CNIH3: variants seen among roughly 807,000 people sequenced by gnomAD.
CNIH3 encodes cornichon family AMPA receptor auxiliary protein 3.
CNIH3 carries 14 observed loss-of-function variants against 24.1 expected under a neutral mutation model. The observed-to-expected ratio is 0.58, with a 90% confidence interval of 0.38 to 0.91. The LOEUF is 0.91. CNIH3 is among the 40% of genes least tolerant of loss of function. The pLI, the probability that CNIH3 is intolerant of heterozygous loss-of-function variation, is 0.00. For synonymous variants in CNIH3, 68 were observed against 73.8 expected (o/e 0.92, Z 0.40); for missense variants, 178 against 196.8 (o/e 0.90, Z 0.57).
rs922171574 is a variant in CNIH3, at chr1:224,708,178, A to G, written c.199-22284A>G. 2.6e-5 allele frequency among the ~76,000 whole-genome samples: 4 copies of G among 151,028 alleles called. No homozygotes were observed. In the East Asian group the frequency reaches 5.8e-4, roughly 22 times the overall value. ...GGAGGTTGTTGATGCTGAGTTCCCT[A>G]TTTCCCCCTCCACTTCCTGTCCTCA... On this transcript the variant is annotated intron_variant, in intron 3 of 5. Coordinates refer to ENST00000272133, the MANE Select transcript of CNIH3 (RefSeq NM_152495.2).
intron 1 of CNIH3, among the ~76,000 whole-genome samples, chr1:224,483,134 A>T (rs535639466): frequency 6.6e-6 from 1 of 152,296 alleles, no homozygotes; most frequent in Non-Finnish European, 1.5e-5. Context: ...GGCAATTCAA[A>T]ACTGTCTTTC....
At chr1:224,460,224 A>G (rs1272213571) in intron 1 of CNIH3, among the ~76,000 whole-genome samples, 1 of 152,132 alleles carries the variant, frequency 6.6e-6, no homozygotes, top group East Asian at 1.9e-4. Context: ...ATCTTTTTAA[A>G]ACAGCCACAA....
intron 2 of CNIH3, among the ~76,000 whole-genome samples, chr1:224,545,831 G>A (rs1679683008): frequency 6.6e-6 from 1 of 152,178 alleles, no homozygotes; most frequent in African/African-American, 2.4e-5. Flanking sequence ...TGCTAGGGCT[G>A]CTGTAACACA....
intron 1 of CNIH3, among the ~76,000 whole-genome samples, chr1:224,674,272 G>GTTTTTTTTTTTTT (rs71170028): frequency 2.5e-4 from 18 of 72,072 alleles, no homozygotes; most frequent in East Asian, 7.7e-4. Context: ...TTCCAGGAAG[G>GTTTTTTTTTTTTT]TTTTTTTTTT....
intron 1 of CNIH3, among the ~76,000 whole-genome samples, chr1:224,510,248 G>A (rs1173324752): frequency 6.6e-6 from 1 of 152,140 alleles, no homozygotes; most frequent in South Asian, 2.1e-4. Context: ...AGGGGTCAGC[G>A]GGAGTCAGTT....
At chr1:224,535,071 C>A (rs1329876225) in intron 2 of CNIH3, among the ~76,000 whole-genome samples, 1 of 152,178 alleles carries the variant, frequency 6.6e-6, no homozygotes, top group African/African-American at 2.4e-5. Flanking sequence ...GAAGTCCTAA[C>A]CCCCAGCAAC....
chr1:224,739,385 T>G lies in CNIH3; in HGVS notation c.*29T>G. 1.3e-6 allele frequency: 2 copies of G among 1,584,542 alleles called. No homozygotes were observed. The highest frequency in any genetic ancestry group is 1.7e-6 in the Non-Finnish European group (2 of 1,167,622). The stretch of plus-strand genomic sequence containing the variant: ...AAAGACCATGCACATCATCAGAGAC[T>G]GAGATGGGAGAGGCCTGAGACGGAG... On this transcript the variant is annotated 3_prime_UTR_variant, in exon 6 of 6. Transcript: ENST00000272133.
At chr1:224,480,764 G>T (rs909602041) in intron 1 of CNIH3, among the ~76,000 whole-genome samples, 2 of 152,182 alleles carry the variant, frequency 1.3e-5, no homozygotes, top group Admixed American at 1.3e-4. Context: ...GGACCTTATT[G>T]TCCATATCAC....
chr1:224,732,370 G>A (rs777507414), intron 4 of CNIH3, among the ~76,000 whole-genome samples: 9 of 152,112 alleles, frequency 5.9e-5, no homozygotes, highest in African/African-American at 1.2e-4. Flanking sequence ...AAAAAGATTC[G>A]GTTACATCGA....
chr1:224,456,945 G>A (rs764179291), intron 1 of CNIH3, among the ~76,000 whole-genome samples: 7 of 152,234 alleles, frequency 4.6e-5, no homozygotes, highest in Non-Finnish European at 7.3e-5. Context: ...ACAAGAGCTA[G>A]GCATGTGGTG....
At chr1:224,448,161 C>G (rs1233513989) in intron 1 of CNIH3, among the ~76,000 whole-genome samples, 1 of 152,140 alleles carries the variant, frequency 6.6e-6, no homozygotes, top group African/African-American at 2.4e-5. Context: ...TGCTTGAGCC[C>G]AGGAGGTTGA....
At chr1:224,601,563 C>T (rs775387984) in intron 3 of CNIH3, among the ~76,000 whole-genome samples, 17 of 152,086 alleles carry the variant, frequency 1.1e-4, no homozygotes, top group Non-Finnish European at 1.9e-4. Flanking sequence ...GACAACTGCC[C>T]GACAATCACC....
chr1:224,454,257 G>A, intron 1 of CNIH3: 1 of 750,684 alleles, frequency 1.3e-6, no homozygotes, highest in Non-Finnish European at 1.6e-6. Flanking sequence ...CTACTAGTAA[G>A]TTTTTTTTTT....
chr1:224,699,050 G>A (rs1261861518), intron 3 of CNIH3, among the ~76,000 whole-genome samples: 1 of 152,164 alleles, frequency 6.6e-6, no homozygotes, highest in East Asian at 1.9e-4. Context: ...TAGTCCTTAT[G>A]TTCCATGCTC....
chr1:224,535,195 A>G (rs780740038), intron 2 of CNIH3, among the ~76,000 whole-genome samples: 2 of 152,202 alleles, frequency 1.3e-5, no homozygotes, highest in Non-Finnish European at 2.9e-5. Context: ...GAAGAGGGGA[A>G]TCTGGACGTA....
intron 1 of CNIH3, among the ~76,000 whole-genome samples, chr1:224,673,374 A>G (rs766508488): frequency 6.7e-6 from 1 of 149,994 alleles, no homozygotes; most frequent in Non-Finnish European, 1.5e-5. Flanking sequence ...CTGAGCCTTG[A>G]CCTCCCCTCC....
At chr1:224,463,759 TATGAATTGTCCTCA>T (rs1391072600) in intron 1 of CNIH3, among the ~76,000 whole-genome samples, 24 of 137,142 alleles carry the variant, frequency 1.8e-4, no homozygotes, top group Non-Finnish European at 3.1e-4. Flanking sequence ...TCTCCCAGCT[TATGAATTGTCCTCA>T]TTTTTTTTTT....
At chr1:224,693,486 TC>T (rs1458213031) in intron 3 of CNIH3, among the ~76,000 whole-genome samples, 1 of 152,216 alleles carries the variant, frequency 6.6e-6, no homozygotes, top group East Asian at 1.9e-4. Flanking sequence ...GGGGGGATGT[TC>T]TTCTGGTCTT....
intron 3 of CNIH3, among the ~76,000 whole-genome samples, chr1:224,595,217 T>A (rs150538469): frequency 6.6e-6 from 1 of 152,294 alleles, no homozygotes; most frequent in East Asian, 1.9e-4. Context: ...TGTCTAATTT[T>A]AAAATTTTTG....
Sources: gnomAD v4.1 joint callset for allele counts (sites outside exome capture counted in the v4.1 genomes callset) on GRCh38, gnomAD v4.1.1 for gene constraint, MANE v1.5 for transcripts, NCBI Gene and HGNC (gene_info 2026-07-23, HGNC 2026-07-21) for gene names.